SGCB: variants seen among roughly 807,000 people sequenced by gnomAD.
SGCB encodes sarcoglycan beta.
SGCB carries 25 observed loss-of-function variants against 27.3 expected under a neutral mutation model. The ratio of observed to expected loss-of-function variants is 0.92; its 90% CI spans 0.67 to 1.28. SGCB has a LOEUF of 1.28. Ranked by LOEUF, SGCB falls within the 50% of genes most tolerant of loss-of-function variation. The probability of loss-of-function intolerance (pLI) is 0.00; values close to 1 mark genes in which losing one functional copy is unlikely to be tolerated. For missense variants in SGCB, 436 were observed against 402.1 expected (o/e 1.08, Z -0.72); for synonymous variants, 147 against 133.5 (o/e 1.10, Z -0.70).
rs773931483 is a variant in SGCB at position 52,029,854 on chromosome 4, C to T, written c.253G>A (p.Val85Ile). ...LAVINLIITL[V>I]IWAVIRIGPN... Reference sequence around the variant, plus strand: ...CCAATGCGAATCACGGCCCAAATAACAAGTGTTATCTGAAAAAGAACACAA... The same window carrying T: ...CCAATGCGAATCACGGCCCAAATAATAAGTGTTATCTGAAAAAGAACACAA... Residue 85 changes from valine to isoleucine, a missense_variant, in exon 3 of 6, where the codon GTT becomes ATT. Coordinates refer to ENST00000381431, the MANE Select transcript of SGCB (RefSeq NM_000232.5). 1 of 1,613,276 alleles carries T rather than the reference C, an allele frequency of 6.2e-7. No homozygotes were observed. The highest frequency in any genetic ancestry group is 1.1e-5 in the South Asian group (1 of 91,074).
intron 1 of SGCB, among the ~76,000 whole-genome samples, chr4:52,035,651 G>A (rs1737369219): frequency 6.6e-6 from 1 of 152,212 alleles, no homozygotes; most frequent in Non-Finnish European, 1.5e-5. Context: ...CAGTAAGTAA[G>A]CTGCTGGGGA....
At chr4:52,029,465 AGAT>A (rs1330403111) in intron 3 of SGCB, among the ~76,000 whole-genome samples, 1 of 152,206 alleles carries the variant, frequency 6.6e-6, no homozygotes, top group Non-Finnish European at 1.5e-5. Flanking sequence ...TAATTTTAAC[AGAT>A]GATAAAAGCA....
chr4:52,038,171 G>T, intron 1 of SGCB, 56 bp downstream of exon 1: 1 of 1,174,684 alleles, frequency 8.5e-7, no homozygotes, highest in Non-Finnish European at 1.0e-6. Context: ...GGCCCAGCCG[G>T]CAGGACGCGG....
At position 52,023,945 on chromosome 4, in the gene SGCB, T is replaced by A. The variant is rs762498610; in HGVS notation, c.*12A>T. The A allele has an allele frequency of 9.3e-6, 15 of 1,610,810 alleles. No homozygotes were observed. Among genetic ancestry groups the A allele is most frequent in the Non-Finnish European group, 9.3e-6 (11 of 1,177,150 alleles). On this transcript the variant is annotated 3_prime_UTR_variant, in exon 6 of 6. Coordinates refer to ENST00000381431, the MANE Select transcript of SGCB (RefSeq NM_000232.5). ...TCAAGATATAAACATGTTGGTGACC[T>A]CTGGGGTTCTTTTAATGAGTGTTTC...
At chr4:52,031,921 C>T (rs1479974038) in intron 2 of SGCB, 9 of 455,842 alleles carry the variant, frequency 2.0e-5, no homozygotes, top group Admixed American at 4.7e-5. Flanking sequence ...ATCAGGAATC[C>T]CAGAGAAGGC....
Position 52,028,047 on chromosome 4 carries a change from A to G in SGCB, c.674T>C (p.Ile225Thr), listed in dbSNP as rs750447057. The change falls in exon 5 of 6, where the codon ATT becomes ACT. Residue 225 changes from isoleucine to threonine, a missense_variant. Physicochemically the swap from Ile to Thr is moderately conservative, Grantham distance 89 (BLOSUM62 -1). Transcript: ENST00000381431. ...GAATACACCTTCATTTCCACGCACA[A>G]TAGCACGCCCATCAACTTTTATATT... ...DLNIKVDGRA[I>T]VRGNEGVFIM... 1 of 1,613,574 alleles carries G rather than the reference A, an allele frequency of 6.2e-7. No homozygotes were observed. Among genetic ancestry groups the G allele is most frequent in the Admixed American group, 1.7e-5 (1 of 60,024 alleles).
intron 1 of SGCB, among the ~76,000 whole-genome samples, chr4:52,037,431 T>TTA: frequency 6.6e-6 from 1 of 152,354 alleles, no homozygotes; most frequent in Middle Eastern, 3.4e-3. Flanking sequence ...GAATGAGACT[T>TTA]TTTAAAGAGA....
chr4:52,038,028 G>C (rs1043646946), intron 1 of SGCB, among the ~76,000 whole-genome samples, 199 bp downstream of exon 1: 1 of 151,876 alleles, frequency 6.6e-6, no homozygotes, highest in Admixed American at 6.6e-5. Context: ...GCCGCCCCTG[G>C]CTCCTGGTCC....
chr4:52,033,757 T>C (rs1578127980), intron 1 of SGCB, 117 bp from the exon 2 acceptor site: 2 of 775,086 alleles, frequency 2.6e-6, no homozygotes, highest in Non-Finnish European at 4.5e-6. Flanking sequence ...ACATTTTCCA[T>C]GAATAAACTG....
At chr4:52,026,140 A>G (rs139527622) in intron 5 of SGCB, among the ~76,000 whole-genome samples, 1 of 151,478 alleles carries the variant, frequency 6.6e-6, no homozygotes, top group Non-Finnish European at 1.5e-5. Flanking sequence ...ATGCAGTGGT[A>G]GTATATGGAA....
At chr4:52,027,306 C>T (rs79010855) in intron 5 of SGCB, among the ~76,000 whole-genome samples, 222 of 152,052 alleles carry the variant, frequency 1.5e-3, no homozygotes, top group African/African-American at 5.3e-3. Flanking sequence ...ACATGAAATA[C>T]CATACCTGTT....
chr4:52,032,582 A>G (rs1737276357), intron 2 of SGCB, among the ~76,000 whole-genome samples: 1 of 152,234 alleles, frequency 6.6e-6, no homozygotes, highest in Non-Finnish European at 1.5e-5. Context: ...AAATTTATAT[A>G]TCTAATATGA....
chr4:52,034,199 G>C (rs1737322847), intron 1 of SGCB, among the ~76,000 whole-genome samples: 1 of 145,430 alleles, frequency 6.9e-6, no homozygotes, highest in African/African-American at 2.5e-5. Flanking sequence ...GGGCATGGTG[G>C]CACGCACCTG....
intron 2 of SGCB, chr4:52,031,896 C>A (rs1344526274): frequency 2.2e-6 from 1 of 455,896 alleles, no homozygotes. Context: ...ATCTTCAGAT[C>A]TTTTTTCTAT....
intron 3 of SGCB, 101 bp from the exon 4 acceptor site, chr4:52,029,022 A>T: frequency 1.2e-6 from 1 of 849,934 alleles, no homozygotes; most frequent in South Asian, 1.5e-5. Flanking sequence ...ACAGAAATTT[A>T]AAAACCCCAA....
chr4:52,031,852 A>G, intron 2 of SGCB: 1 of 454,622 alleles, frequency 2.2e-6, no homozygotes, highest in South Asian at 1.6e-5. Context: ...GGGAAATTAC[A>G]TGGCTTTTTC....
At position 52,028,831 on chromosome 4, in the gene SGCB, T is replaced by C. The variant is rs750144469; in HGVS notation, c.520A>G (p.Arg174Gly). The change falls in exon 4 of 6, where the codon AGG becomes GGG. Residue 174 changes from arginine to glycine, a missense_variant. Physicochemically the swap from Arg to Gly is moderately radical, Grantham distance 125. Transcript: ENST00000381431. ...SDIGMQFFDP[R>G]TQNILFSTDY... ...GTGCTGAATAAGATATTTTGAGTCCTCGGGTCAAAAAACTGCATGCCGATG... is the reference window on the plus strand; with the variant it reads ...GTGCTGAATAAGATATTTTGAGTCCCCGGGTCAAAAAACTGCATGCCGATG... The C allele has an allele frequency of 1.9e-6, 3 of 1,613,322 alleles. No individual in the cohort carries two copies. Among genetic ancestry groups the C allele is most frequent in the African/African-American group, 1.3e-5 (1 of 75,020 alleles).
Position 52,038,208 on chromosome 4 carries a change from C to G in SGCB, c.33+19G>C. 8.1e-7 allele frequency: 1 copy of G among 1,237,732 alleles called. No individual in the cohort carries two copies. The highest frequency in any genetic ancestry group is 1.0e-6 in the Non-Finnish European group (1 of 987,600). 76.7% of individuals were successfully genotyped at this position (1,237,732 alleles called of 1,614,324 possible). ...CTCCCCCGCTCCTCCAGCCCGCGGC[C>G]GCGGCGGTACTCACAGACCTGTTCT... On this transcript the variant is annotated intron_variant, in intron 1 of 5. Transcript: ENST00000381431.
chr4:52,028,200 G>C, intron 4 of SGCB, 101 bp from the exon 5 acceptor site: 1 of 898,980 alleles, frequency 1.1e-6, no homozygotes, highest in Non-Finnish European at 1.8e-6. Context: ...AGAGATGAAA[G>C]TCAAATGTTT....
Sources: gnomAD v4.1 joint callset for allele counts (sites outside exome capture counted in the v4.1 genomes callset) on GRCh38, gnomAD v4.1.1 for gene constraint, MANE v1.5 for transcripts, NCBI Gene and HGNC (gene_info 2026-07-23, HGNC 2026-07-21) for gene names.